TAFA5: variants seen among roughly 807,000 people sequenced by gnomAD.
TAFA5 encodes the protein chemokine-like protein TAFA-5.
In TAFA5, 6 loss-of-function variants were observed where a neutral mutation model predicts 15.3. That is an observed-to-expected ratio of 0.39 (90% CI 0.21 to 0.77). The LOEUF is 0.77. Ranked by LOEUF, TAFA5 falls within the 30% of genes least tolerant of loss-of-function variation. The pLI, the probability that TAFA5 is intolerant of heterozygous loss-of-function variation, is 0.41. For synonymous variants in TAFA5, 103 were observed against 80.7 expected (o/e 1.28, Z -1.48); for missense variants, 161 against 193.1 (o/e 0.83, Z 0.98).
chr22:48,688,553 C>A (rs1044996901), intron 2 of TAFA5, among the ~76,000 whole-genome samples: 1 of 152,208 alleles, frequency 6.6e-6, no homozygotes, highest in Non-Finnish European at 1.5e-5. Flanking sequence ...GATCTTCAGG[C>A]CTCTTAACTC....
intron 1 of TAFA5, among the ~76,000 whole-genome samples, chr22:48,506,577 G>A (rs919791156): frequency 4.6e-5 from 7 of 152,166 alleles, no homozygotes; most frequent in South Asian, 2.1e-4. Flanking sequence ...CTGTGCCACC[G>A]TTCCGTAGCT....
chr22:48,533,652 A>C (rs990414986), intron 1 of TAFA5, among the ~76,000 whole-genome samples: 2 of 152,146 alleles, frequency 1.3e-5, no homozygotes, highest in Admixed American at 6.5e-5. Context: ...TGGGAGAAGG[A>C]CACCCTAGGG....
At chr22:48,648,153 G>A (rs73173480) in intron 2 of TAFA5, among the ~76,000 whole-genome samples, 13,733 of 152,218 alleles carry the variant, frequency 0.09, 742 homozygotes, top group East Asian at 0.21. Context: ...CAGGCCTGGC[G>A]CAGTGCTCAC....
chr22:48,496,286 ATGCTTTTGGTC>A (rs1928321064), intron 1 of TAFA5, among the ~76,000 whole-genome samples: 1 of 148,238 alleles, frequency 6.7e-6, no homozygotes, highest in African/African-American at 2.5e-5. Context: ...CTCTGGACAG[ATGCTTTTGGTC>A]ACGGCATCTG....
intron 1 of TAFA5, among the ~76,000 whole-genome samples, chr22:48,542,815 GGTGTGT>G (rs112262132): frequency 8.3e-5 from 12 of 145,026 alleles, no homozygotes; most frequent in African/African-American, 3.1e-4. Context: ...TGATGTGTAT[GGTGTGT>G]GTGTGTGGTG....
chr22:48,603,185 T>G (rs1925037394), intron 1 of TAFA5, among the ~76,000 whole-genome samples: 1 of 152,212 alleles, frequency 6.6e-6, no homozygotes, highest in Non-Finnish European at 1.5e-5. Context: ...TGCCCGTGCA[T>G]TCCTCTGGGC....
chr22:48,640,282 G>T (rs1333292506), intron 1 of TAFA5, among the ~76,000 whole-genome samples: 3 of 152,158 alleles, frequency 2.0e-5, no homozygotes, highest in Non-Finnish European at 2.9e-5. Flanking sequence ...GTCCCACGCT[G>T]CGTGGGAGCT....
chr22:48,628,015 C>T (rs953068259), intron 1 of TAFA5, among the ~76,000 whole-genome samples: 10 of 151,422 alleles, frequency 6.6e-5, no homozygotes, highest in Non-Finnish European at 1.2e-4. Context: ...TTGCCCGGAG[C>T]GGAGGATGCG....
chr22:48,534,340 G>A (rs1019168347), intron 1 of TAFA5, among the ~76,000 whole-genome samples: 1 of 152,236 alleles, frequency 6.6e-6, no homozygotes, highest in Non-Finnish European at 1.5e-5. Context: ...TAGGTGAGGG[G>A]CCAGGCAGTT....
At chr22:48,621,360 C>T (rs1161511415) in intron 1 of TAFA5, among the ~76,000 whole-genome samples, 2 of 151,220 alleles carry the variant, frequency 1.3e-5, no homozygotes, top group East Asian at 2.0e-4. Flanking sequence ...ATTTCATCCA[C>T]ACACCCACCC....
intron 1 of TAFA5, among the ~76,000 whole-genome samples, chr22:48,621,622 G>C (rs1925841084): frequency 6.6e-6 from 1 of 152,218 alleles, no homozygotes; most frequent in African/African-American, 2.4e-5. Context: ...CAGCTCCACT[G>C]AGTCCGGCTG....
intron 1 of TAFA5, among the ~76,000 whole-genome samples, chr22:48,639,423 A>G (rs2147196708): frequency 6.6e-6 from 1 of 152,336 alleles, no homozygotes; most frequent in African/African-American, 2.4e-5. Context: ...CCGTCACATC[A>G]GACATCCTCC....
intron 1 of TAFA5, 52 bp from the exon 2 acceptor site, chr22:48,646,545 G>A: frequency 1.3e-6 from 2 of 1,592,734 alleles, no homozygotes; most frequent in Non-Finnish European, 8.6e-7. Flanking sequence ...GGCTCTGGCT[G>A]TGGGGTGTCT....
chr22:48,717,896 T>G (rs75367309), intron 3 of TAFA5, among the ~76,000 whole-genome samples: 9,537 of 152,262 alleles, frequency 0.063, 364 homozygotes, highest in Admixed American at 0.095. Context: ...AGGGACCAGG[T>G]TGTCACCAGA....
intron 1 of TAFA5, among the ~76,000 whole-genome samples, chr22:48,628,558 C>T (rs1926103613): frequency 6.6e-6 from 1 of 152,334 alleles, no homozygotes; most frequent in South Asian, 2.1e-4. Context: ...CGGGTTTGCT[C>T]CCTGTGCAGC....
intron 3 of TAFA5, among the ~76,000 whole-genome samples, chr22:48,732,967 T>A (rs979108946): frequency 7.9e-5 from 12 of 152,180 alleles, no homozygotes; most frequent in African/African-American, 2.9e-4. Context: ...AGGTATGTAC[T>A]TTTTTTAGAC....
chr22:48,670,810 G>C (rs1049783360), intron 2 of TAFA5, among the ~76,000 whole-genome samples: 1 of 152,236 alleles, frequency 6.6e-6, no homozygotes, highest in Admixed American at 6.5e-5. Flanking sequence ...GAGACCATCA[G>C]GAGCCGTGGC....
chr22:48,543,089 G>A (rs757684079), intron 1 of TAFA5, among the ~76,000 whole-genome samples: 11 of 151,864 alleles, frequency 7.2e-5, no homozygotes, highest in Non-Finnish European at 1.6e-4. Context: ...GGGGAGAGTG[G>A]TCTGGGGTCT....
chr22:48,519,630 TGG>T (rs1921535336), intron 1 of TAFA5, among the ~76,000 whole-genome samples: 1 of 151,712 alleles, frequency 6.6e-6, no homozygotes, highest in Non-Finnish European at 1.5e-5. Flanking sequence ...AGGCCTGGAG[TGG>T]GACCAGAAGC....
Sources: gnomAD v4.1 joint callset for allele counts (sites outside exome capture counted in the v4.1 genomes callset) on GRCh38, gnomAD v4.1.1 for gene constraint, MANE v1.5 for transcripts, NCBI Gene and HGNC (gene_info 2026-07-23, HGNC 2026-07-21) for gene names.